Variants in TBCA observed in about 807,000 individuals in gnomAD.
The protein encoded by TBCA is tubulin-specific chaperone A.
In TBCA, 6 loss-of-function variants were observed where a neutral mutation model predicts 15.8. That is an observed-to-expected ratio of 0.38 (90% confidence interval 0.21 to 0.75). TBCA has a LOEUF of 0.75. TBCA is among the 30% of genes least tolerant of loss of function. TBCA has a pLI of 0.46. For missense variants in TBCA, 90 were observed against 131.2 expected (o/e 0.69, Z 1.53); for synonymous variants, 32 against 42.3 (o/e 0.76, Z 0.94).
At chr5:77,695,739 G>C (rs1745857172) in intron 2 of TBCA, among the ~76,000 whole-genome samples, 1 of 152,178 alleles carries the variant, frequency 6.6e-6, no homozygotes, top group African/African-American at 2.4e-5. Context: ...TACAATATCT[G>C]AGTCAATTGT....
chr5:77,728,344 CCTT>C (rs1746676984), intron 1 of TBCA, among the ~76,000 whole-genome samples: 1 of 152,206 alleles, frequency 6.6e-6, no homozygotes, highest in African/African-American at 2.4e-5. Flanking sequence ...ATCTTCATGT[CCTT>C]ATTCAGAACA....
intron 2 of TBCA, among the ~76,000 whole-genome samples, chr5:77,700,030 CAAAAAAAAA>C (rs67790719): frequency 3.5e-5 from 3 of 86,112 alleles, no homozygotes; most frequent in Non-Finnish European, 6.3e-5. Flanking sequence ...GGCTCTGACT[CAAAAAAAAA>C]AAAAAAAAAA....
At chr5:77,743,781 C>T (rs1429654476) in intron 1 of TBCA, among the ~76,000 whole-genome samples, 1 of 152,196 alleles carries the variant, frequency 6.6e-6, no homozygotes, top group Non-Finnish European at 1.5e-5. Context: ...ACAACCTCTT[C>T]TGGGAGTTTT....
At position 77,776,289 on chromosome 5, in the gene TBCA, G is replaced by A. The variant is rs770371314; in HGVS notation, c.-32C>T. The A allele has an allele frequency of 1.2e-5, 18 of 1,564,768 alleles. No individual in the cohort carries two copies. Among genetic ancestry groups the A allele is most frequent in the East Asian group, 2.4e-5 (1 of 41,996 alleles). On this transcript the variant is annotated 5_prime_UTR_variant, in exon 1 of 4. Coordinates refer to ENST00000380377, the MANE Select transcript of TBCA (RefSeq NM_004607.3). ...TCGAGCGCCGCGAGAAGGAGGGGCGGAGAGCCGGGGTAACCGTGGAGGGCG... is the reference window on the plus strand; with the variant it reads ...TCGAGCGCCGCGAGAAGGAGGGGCGAAGAGCCGGGGTAACCGTGGAGGGCG...
chr5:77,716,096 T>C (rs962590097), intron 1 of TBCA, among the ~76,000 whole-genome samples: 5 of 152,234 alleles, frequency 3.3e-5, no homozygotes, highest in African/African-American at 1.2e-4. Context: ...ATTATCTCTA[T>C]TTTACAATCT....
intron 1 of TBCA, among the ~76,000 whole-genome samples, chr5:77,734,407 A>G (rs1459949069): frequency 6.6e-6 from 1 of 152,196 alleles, no homozygotes; most frequent in Non-Finnish European, 1.5e-5. Context: ...TCACGGGAGG[A>G]GGTCAAAATA....
At chr5:77,753,315 TA>T in intron 1 of TBCA, among the ~76,000 whole-genome samples, 1 of 152,346 alleles carries the variant, frequency 6.6e-6, no homozygotes, top group Non-Finnish European at 1.5e-5. Context: ...TACTTTTCTT[TA>T]AGTCAATTGA....
chr5:77,704,069 C>A (rs570026295), intron 2 of TBCA, among the ~76,000 whole-genome samples: 119 of 152,278 alleles, frequency 7.8e-4, no homozygotes, highest in African/African-American at 2.8e-3. Context: ...GAGGTCTCCC[C>A]AGCCATGTGG....
intron 1 of TBCA, among the ~76,000 whole-genome samples, chr5:77,734,351 C>G (rs1410442016): frequency 6.6e-6 from 1 of 152,162 alleles, no homozygotes; most frequent in Non-Finnish European, 1.5e-5. Flanking sequence ...TGAAAACCTT[C>G]TGGAAAGGAT....
chr5:77,703,114 C>A (rs1363791295), intron 2 of TBCA, among the ~76,000 whole-genome samples: 2 of 152,168 alleles, frequency 1.3e-5, no homozygotes, highest in Non-Finnish European at 2.9e-5. Context: ...GCATATACAT[C>A]TTTTTCAAAA....
intron 2 of TBCA, among the ~76,000 whole-genome samples, chr5:77,705,878 TAC>T (rs1746139212): frequency 6.6e-6 from 1 of 152,158 alleles, no homozygotes; most frequent in East Asian, 1.9e-4. Flanking sequence ...ATACTATATC[TAC>T]ACATCTGTTT....
intron 1 of TBCA, among the ~76,000 whole-genome samples, chr5:77,767,422 TA>T (rs1747804938): frequency 6.6e-6 from 1 of 152,336 alleles, no homozygotes; most frequent in African/African-American, 2.4e-5. Context: ...ACTAGAATTG[TA>T]AGAATGTCTT....
At chr5:77,728,824 T>C (rs527343292) in intron 1 of TBCA, among the ~76,000 whole-genome samples, 1 of 151,708 alleles carries the variant, frequency 6.6e-6, no homozygotes, top group South Asian at 2.1e-4. Flanking sequence ...GATGAGGAGG[T>C]AGTCTACTGA....
chr5:77,728,875 T>C (rs889967108), intron 1 of TBCA, among the ~76,000 whole-genome samples: 11 of 152,044 alleles, frequency 7.2e-5, no homozygotes, highest in Non-Finnish European at 1.2e-4. Flanking sequence ...GGTCAGTTAA[T>C]TGTAGCCAAG....
chr5:77,765,825 G>A (rs1228183163), intron 1 of TBCA, among the ~76,000 whole-genome samples: 1 of 150,716 alleles, frequency 6.6e-6, no homozygotes, highest in Non-Finnish European at 1.5e-5. Context: ...GTGTTCTAGG[G>A]GCCATATATA....
intron 1 of TBCA, among the ~76,000 whole-genome samples, chr5:77,717,278 G>C (rs187292403): frequency 9.8e-4 from 149 of 152,260 alleles, no homozygotes; most frequent in African/African-American, 3.3e-3. Context: ...CATCTAAAAT[G>C]ATAGTCACTA....
chr5:77,707,495 G>A (rs1746176876), intron 2 of TBCA, among the ~76,000 whole-genome samples: 1 of 152,096 alleles, frequency 6.6e-6, no homozygotes, highest in African/African-American at 2.4e-5. Flanking sequence ...AATTTCAGAG[G>A]CAAAGAAGAA....
rs1248581938 is a variant in TBCA, at chr5:77,774,979, TTAAAA to T, written c.53+1221_53+1225del. ...TTCCTGAATAAGATAGCTACAAAGATTAAAAAAAAAAAAAAAAAAGCTACATACCT... is the reference window on the plus strand; with the variant it reads ...TTCCTGAATAAGATAGCTACAAAGATAAAAAAAAAAAAAAGCTACATACCT... On this transcript the variant is annotated intron_variant, in intron 1 of 3. Transcript: ENST00000380377. 3.7e-3 allele frequency among the ~76,000 whole-genome samples: 156 copies of T among 41,996 alleles called. 1 individual carries two copies. The highest frequency in any genetic ancestry group is 0.031 in the Admixed American group (117 of 3,722). The allele number at this position is 41,996 out of a possible 152,430, so 27.6% of individuals were successfully genotyped here. A position where few individuals can be genotyped will look rare whatever the true frequency, so the allele number is the denominator to read the frequency against.
At chr5:77,701,938 T>C (rs1746029115) in intron 2 of TBCA, among the ~76,000 whole-genome samples, 1 of 151,420 alleles carries the variant, frequency 6.6e-6, no homozygotes, top group East Asian at 2.0e-4. Flanking sequence ...AACTCAGGAA[T>C]GGAAAAGGAA....
Sources: allele counts gnomAD v4.1 joint callset (sites outside exome capture counted in the v4.1 genomes callset), GRCh38; gene constraint gnomAD v4.1.1; transcripts MANE v1.5; gene names NCBI Gene and HGNC (gene_info 2026-07-23, HGNC 2026-07-21).